Variants in AKR7A3 observed in about 807,000 individuals in gnomAD.
AKR7A3 encodes AFB1 aldehyde reductase 2.
AKR7A3 carries 37 observed loss-of-function variants against 32.5 expected under a neutral mutation model. The observed-to-expected ratio is 1.14, with a 90% CI of 0.88 to 1.50. The LOEUF (loss-of-function observed/expected upper bound fraction) is 1.50, where lower values mean the gene tolerates loss of function less well. Among genes scored for constraint, AKR7A3 ranks in the 40% most tolerant of loss-of-function variants. The probability of loss-of-function intolerance (pLI) is 0.00; values close to 1 mark genes in which losing one functional copy is unlikely to be tolerated. For missense variants in AKR7A3, 412 were observed against 453.2 expected (o/e 0.91, Z 0.83); for synonymous variants, 177 against 188.4 (o/e 0.94, Z 0.50).
chr1:19,275,541 G>A, the AKR7A3 span, among the ~76,000 whole-genome samples: 1 of 151,680 alleles, frequency 6.6e-6, no homozygotes, highest in South Asian at 2.1e-4. Context: ...TATAGTGGTT[G>A]ACACCTGTAA....
the AKR7A3 span, among the ~76,000 whole-genome samples, chr1:19,274,899 C>CAAAAAAAAAAAAAAAAAAA: frequency 3.5e-3 from 156 of 44,258 alleles, 32 homozygotes; most frequent in South Asian, 4.3e-3. Context: ...TCTCTAAATA[C>CAAAAAAAAAAAAAAAAAAA]AAAAAAAAAA....
rs1237060602 is a variant in AKR7A3 at position 19,288,673 on chromosome 1, C to A, written c.37G>T (p.Val13Leu). ...RQLSRARPAT[V>L]LGAMEMGRRM... ...CGCCCCATCTCCATGGCGCCCAGCA[C>A]CGTGGCTGGCCGGGCCCGCGACAGC... The change falls in exon 1 of 7, where the codon GTG becomes TTG. Residue 13 changes from valine to leucine, a missense_variant. Val to Leu is a conservative substitution (Grantham distance 32, BLOSUM62 1). Coordinates refer to ENST00000361640, the MANE Select transcript of AKR7A3 (RefSeq NM_012067.3). The A allele has an allele frequency of 2.4e-5, 36 of 1,523,398 alleles. No homozygotes were observed. Among genetic ancestry groups the A allele is most frequent in the Non-Finnish European group, 3.2e-5 (36 of 1,135,166 alleles). The allele number at this position is 1,523,398 out of a possible 1,614,324, so 94.4% of individuals were successfully genotyped here. A position where few individuals can be genotyped will look rare whatever the true frequency, so the allele number is the denominator to read the frequency against.
chr1:19,286,006 G>C lies in AKR7A3; in HGVS notation c.403-14C>G, dbSNP rs528663771. On this transcript the variant is annotated splice_polypyrimidine_tract_variant and intron_variant, in intron 2 of 6. Transcript: ENST00000361640. ...CACGAACTTGCCCTGCTCAGGTGAGGCTCCAGTCAGAACATAGTGCAGCCC... is the reference window on the plus strand; with the variant it reads ...CACGAACTTGCCCTGCTCAGGTGAGCCTCCAGTCAGAACATAGTGCAGCCC... The C allele has an allele frequency of 7.7e-5, 125 of 1,613,562 alleles. No homozygotes were observed. Among genetic ancestry groups the C allele is most frequent in the Non-Finnish European group, 1.1e-4 (125 of 1,179,866 alleles).
In AKR7A3 at chr1:19,286,158, C is replaced by T. The variant is rs769252222; in HGVS notation, c.402+27G>A. The T allele has an allele frequency of 1.8e-5, 29 of 1,610,250 alleles. No individual in the cohort carries two copies. In the Middle Eastern group the frequency reaches 3.6e-3, roughly 199 times the overall value. On this transcript the variant is annotated intron_variant, in intron 2 of 6. Coordinates refer to ENST00000361640, the MANE Select transcript of AKR7A3 (RefSeq NM_012067.3). Reference sequence around the variant, plus strand: ...GGATAAGGAGAGCAGCAGTGGACCACCTCCCAGAGCTCAGGGGTCCCCTCA... The same window carrying T: ...GGATAAGGAGAGCAGCAGTGGACCATCTCCCAGAGCTCAGGGGTCCCCTCA...
chr1:19,285,865 G>A (rs781241779), intron 3 of AKR7A3, 23 bp downstream of exon 3: 5 of 1,613,370 alleles, frequency 3.1e-6, no homozygotes, highest in Non-Finnish European at 4.2e-6. Flanking sequence ...GGAGACCTTG[G>A]CCTCTGCAGC....
At chr1:19,285,225 C>T (rs920108093) in intron 3 of AKR7A3, 111 bp from the exon 4 acceptor site, 6 of 1,019,680 alleles carry the variant, frequency 5.9e-6, no homozygotes, top group South Asian at 5.8e-5. Flanking sequence ...GGACTTTAAC[C>T]GTCTGGGCGT....
Sources: allele counts gnomAD v4.1 joint callset (sites outside exome capture counted in the v4.1 genomes callset), GRCh38; gene constraint gnomAD v4.1.1; transcripts MANE v1.5; gene names NCBI Gene and HGNC (gene_info 2026-07-23, HGNC 2026-07-21).